PLXDC2: variants seen among roughly 807,000 people sequenced by gnomAD.
PLXDC2 encodes plexin domain containing 2, also known as plexin domain-containing protein 2.
PLXDC2 carries 40 observed loss-of-function variants against 68.9 expected under a neutral mutation model. That is an observed-to-expected ratio of 0.58 (90% CI 0.45 to 0.76). PLXDC2 has a LOEUF of 0.76. Ranked by LOEUF, PLXDC2 falls within the 30% of genes least tolerant of loss-of-function variation. The pLI, the probability that PLXDC2 is intolerant of heterozygous loss-of-function variation, is 0.00. For synonymous variants in PLXDC2, 243 were observed against 234.2 expected, an observed-to-expected ratio of 1.04 and a Z score of -0.34; for missense variants, 644 against 661.9, an observed-to-expected ratio of 0.97 and a Z score of 0.30.
chr10:20,036,904 A>C (rs552778449), intron 2 of PLXDC2, among the ~76,000 whole-genome samples: 5 of 152,200 alleles, frequency 3.3e-5, no homozygotes, highest in Non-Finnish European at 7.4e-5. Context: ...GTAACAATGC[A>C]ATTGATACCA....
At chr10:19,838,928 A>G (rs1005898698) in intron 1 of PLXDC2, among the ~76,000 whole-genome samples, 35 of 152,062 alleles carry the variant, frequency 2.3e-4, no homozygotes, top group African/African-American at 7.2e-4. Context: ...GCTCATGCCT[A>G]TAATTCCAGC....
chr10:19,833,885 A>C lies in PLXDC2; in HGVS notation c.112+16694A>C, dbSNP rs1034534640. 1.3e-5 allele frequency among the ~76,000 whole-genome samples: 2 copies of C among 152,312 alleles called. 1 individual carries two copies. Among genetic ancestry groups the C allele is most frequent in the South Asian group, 4.1e-4 (2 of 4,830 alleles). On this transcript the variant is annotated intron_variant, in intron 1 of 13. Transcript: ENST00000377252. ...GAAGATAAGAAATGTCAAAATAAAA[A>C]ATGCATACAAATCTTTAAAAAGCAT...
At chr10:20,035,226 A>C (rs1835558816) in intron 2 of PLXDC2, among the ~76,000 whole-genome samples, 1 of 152,180 alleles carries the variant, frequency 6.6e-6, no homozygotes, top group Non-Finnish European at 1.5e-5. Flanking sequence ...AAACGACATC[A>C]AACCTCCTAG....
At chr10:20,197,598 C>T (rs1589676354) in intron 9 of PLXDC2, among the ~76,000 whole-genome samples, 1 of 152,228 alleles carries the variant, frequency 6.6e-6, no homozygotes, top group East Asian at 1.9e-4. Flanking sequence ...CCTCGTGATC[C>T]ACCCACCTTG....
intron 12 of PLXDC2, among the ~76,000 whole-genome samples, chr10:20,220,137 T>C (rs961923272): frequency 6.6e-6 from 1 of 152,222 alleles, no homozygotes; most frequent in African/African-American, 2.4e-5. Flanking sequence ...TTGTAGTGTT[T>C]TATTTCATTC....
intron 1 of PLXDC2, among the ~76,000 whole-genome samples, chr10:19,887,927 G>A (rs920257528): frequency 6.6e-6 from 1 of 152,208 alleles, no homozygotes; most frequent in African/African-American, 2.4e-5. Flanking sequence ...CCAACCAAAA[G>A]AAGGAAGAAA....
chr10:20,164,075 ATACAG>A (rs1314762815), intron 6 of PLXDC2, among the ~76,000 whole-genome samples: 1 of 152,226 alleles, frequency 6.6e-6, no homozygotes, highest in Non-Finnish European at 1.5e-5. Flanking sequence ...AAAAACAAAT[ATACAG>A]TAAAGTTTTT....
intron 1 of PLXDC2, among the ~76,000 whole-genome samples, chr10:19,983,793 G>C (rs539222452): frequency 1.2e-4 from 18 of 152,264 alleles, no homozygotes; most frequent in African/African-American, 4.1e-4. Flanking sequence ...ATGCAGGACT[G>C]CAGGCCCACC....
chr10:20,164,540 G>A lies in PLXDC2; in HGVS notation c.856G>A (p.Val286Ile), dbSNP rs775360529. The A allele has an allele frequency of 2.1e-5, 34 of 1,613,056 alleles. No individual in the cohort carries two copies. The highest frequency in any genetic ancestry group is 6.7e-5 in the East Asian group (3 of 44,750). The change falls in exon 7 of 14, where the codon GTT becomes ATT. Residue 286 changes from valine to isoleucine, a missense_variant. Coordinates refer to ENST00000377252, the MANE Select transcript of PLXDC2 (RefSeq NM_032812.9). ...AGTCGGACTGTCCGATGCATTTGTC[G>A]TTGTCCACAGGATCCAACAAATTCC... Reference protein sequence around the residue: ...VKVGLSDAFVVVHRIQQIPNV... With the variant: ...VKVGLSDAFVIVHRIQQIPNV...
chr10:20,264,694 A>T (rs571041217), intron 13 of PLXDC2, among the ~76,000 whole-genome samples: 26 of 152,212 alleles, frequency 1.7e-4, no homozygotes, highest in African/African-American at 5.8e-4. Flanking sequence ...ATGTATTACA[A>T]GAAATAAAAG....
At chr10:19,946,649 G>A (rs1322631225) in intron 1 of PLXDC2, among the ~76,000 whole-genome samples, 1 of 151,892 alleles carries the variant, frequency 6.6e-6, no homozygotes, top group Non-Finnish European at 1.5e-5. Flanking sequence ...ACGGGGCGAG[G>A]GAGGGATGGT....
intron 13 of PLXDC2, among the ~76,000 whole-genome samples, chr10:20,250,101 C>G (rs1835654883): frequency 6.6e-6 from 1 of 152,054 alleles, no homozygotes; most frequent in African/African-American, 2.4e-5. Flanking sequence ...AACCCCATCT[C>G]TACTAAAAAT....
chr10:20,190,494 G>GT (rs1554773692), intron 9 of PLXDC2, among the ~76,000 whole-genome samples: 1 of 151,742 alleles, frequency 6.6e-6, no homozygotes, highest in Non-Finnish European at 1.5e-5. Context: ...TATACCTAAT[G>GT]TAAATGACGA....
At chr10:19,866,479 A>G (rs1293465964) in intron 1 of PLXDC2, among the ~76,000 whole-genome samples, 2 of 152,164 alleles carry the variant, frequency 1.3e-5, no homozygotes, top group Admixed American at 6.5e-5. Context: ...GAACCTTGTG[A>G]TTACACTAGG....
chr10:19,860,932 A>G (rs1230178036), intron 1 of PLXDC2, among the ~76,000 whole-genome samples: 3 of 151,706 alleles, frequency 2.0e-5, no homozygotes, highest in South Asian at 4.2e-4. Context: ...CTTTCTCAAC[A>G]TCTCTTAAAT....
intron 1 of PLXDC2, among the ~76,000 whole-genome samples, chr10:19,901,763 T>G (rs974107488): frequency 4.6e-5 from 7 of 152,086 alleles, no homozygotes; most frequent in African/African-American, 1.7e-4. Context: ...AGCCAATGTC[T>G]GAAGGGTTTT....
At chr10:20,180,788 A>G (rs1834593091) in intron 9 of PLXDC2, among the ~76,000 whole-genome samples, 1 of 152,126 alleles carries the variant, frequency 6.6e-6, no homozygotes, top group African/African-American at 2.4e-5. Context: ...TTAGAGGAAC[A>G]TAAGGAGATC....
At chr10:19,862,664 A>AC (rs1231293407) in intron 1 of PLXDC2, among the ~76,000 whole-genome samples, 1 of 152,234 alleles carries the variant, frequency 6.6e-6, no homozygotes, top group Non-Finnish European at 1.5e-5. Flanking sequence ...ACACTACACA[A>AC]CAAGTATGCA....
Position 20,286,323 on chromosome 10 carries a change from T to A in PLXDC2, c.*6504T>A, listed in dbSNP as rs1317846814. ...AGCTTTTCCTAGTTTCTAAGGCTTATTAACATTTGCAAATTACTCAATAAA... is the reference window on the plus strand; with the variant it reads ...AGCTTTTCCTAGTTTCTAAGGCTTAATAACATTTGCAAATTACTCAATAAA... On this transcript the variant is annotated 3_prime_UTR_variant, in exon 14 of 14. Transcript: ENST00000377252. 1 of 152,210 alleles carries A rather than the reference T, an allele frequency of 6.6e-6. No homozygotes were observed. The highest frequency in any genetic ancestry group is 2.4e-5 in the African/African-American group (1 of 41,460). The allele number at this position is 152,210 out of a possible 1,614,324, so 9.4% of individuals were successfully genotyped here. A position where few individuals can be genotyped will look rare whatever the true frequency, so the allele number is the denominator to read the frequency against.
Sources: allele counts gnomAD v4.1 joint callset (sites outside exome capture counted in the v4.1 genomes callset), GRCh38; gene constraint gnomAD v4.1.1; transcripts MANE v1.5; gene names NCBI Gene and HGNC (gene_info 2026-07-23, HGNC 2026-07-21).